PLXNA2: variants seen among roughly 807,000 people sequenced by gnomAD.
PLXNA2 encodes plexin A2, also known as plexin-A2.
A neutral mutation model predicts 193.5 loss-of-function variants in PLXNA2; 91 were observed. The observed-to-expected ratio is 0.47, with a 90% CI of 0.40 to 0.56. The LOEUF (loss-of-function observed/expected upper bound fraction) is 0.56. Ranked by LOEUF, PLXNA2 falls within the 20% of genes least tolerant of loss-of-function variation. The pLI is 0.00. For synonymous variants in PLXNA2, 997 were observed against 1,027.3 expected, an observed-to-expected ratio of 0.97 and a Z score of 0.56; for missense variants, 1,995 against 2,503.2, an observed-to-expected ratio of 0.80 and a Z score of 4.33.
At chr1:208,040,992 A>G (rs1664850368) in intron 22 of PLXNA2, among the ~76,000 whole-genome samples, 1 of 152,204 alleles carries the variant, frequency 6.6e-6, no homozygotes, top group South Asian at 2.1e-4. Flanking sequence ...GTTGCAGTAA[A>G]TCCCAGGCAT....
At chr1:208,185,596 T>G (rs1300409217) in intron 3 of PLXNA2, among the ~76,000 whole-genome samples, 1 of 147,068 alleles carries the variant, frequency 6.8e-6, no homozygotes, top group Non-Finnish European at 1.5e-5. Context: ...TAACCCAACC[T>G]CTTCAGCCCT....
intron 1 of PLXNA2, among the ~76,000 whole-genome samples, chr1:208,223,651 G>T (rs1473755629): frequency 6.6e-6 from 1 of 152,212 alleles, no homozygotes; most frequent in Non-Finnish European, 1.5e-5. Flanking sequence ...TCACACTCAG[G>T]ACCGTCACCT....
chr1:208,092,652 G>A (rs1194539064), intron 9 of PLXNA2, 134 bp downstream of exon 9: 2 of 568,632 alleles, frequency 3.5e-6, no homozygotes, highest in African/African-American at 1.9e-5. Flanking sequence ...TTTCTAGCAT[G>A]CAGAATTTCT....
chr1:208,138,799 G>A (rs574419143), intron 4 of PLXNA2, among the ~76,000 whole-genome samples: 2 of 152,362 alleles, frequency 1.3e-5, no homozygotes, highest in East Asian at 3.9e-4. Flanking sequence ...GGCCAAGGCA[G>A]GTGGATCACT....
At position 208,142,433 on chromosome 1, in the gene PLXNA2, C is replaced by A; in HGVS notation, c.1402G>T (p.Val468Phe). Reference sequence around the variant, plus strand: ...AGCACAGAGACCATCTCGTACTGGACCCCACCATGGGGGGGACCGTCGGCC... The same window carrying A: ...AGCACAGAGACCATCTCGTACTGGAACCCACCATGGGGGGGACCGTCGGCC... ...IRADGPPHGG[V>F]QYEMVSVLKD... The change falls in exon 4 of 32, where the codon GTC becomes TTC. Residue 468 changes from valine (V) to phenylalanine (F), a missense_variant. Physicochemically the swap from Val to Phe is conservative, Grantham distance 50 (BLOSUM62 -1). This residue lies in a region of PLXNA2 where 702 missense variants were observed against 812.9 expected (regional missense o/e 0.86). Coordinates refer to ENST00000367033, the MANE Select transcript of PLXNA2 (RefSeq NM_025179.4). 1 of 1,612,550 alleles carries A rather than the reference C, an allele frequency of 6.2e-7. No homozygotes were observed. Among genetic ancestry groups the A allele is most frequent in the East Asian group, 2.2e-5 (1 of 44,862 alleles).
At chr1:208,084,313 C>A (rs1156546820) in intron 10 of PLXNA2, 67 bp downstream of exon 10, 1 of 1,541,518 alleles carries the variant, frequency 6.5e-7, no homozygotes, top group Non-Finnish European at 8.9e-7. Context: ...GCTGGCCATA[C>A]TGAGGCCCCA....
At chr1:208,210,545 G>A (rs965302338) in intron 2 of PLXNA2, 83 bp from the exon 3 acceptor site, 5 of 1,239,958 alleles carry the variant, frequency 4.0e-6, no homozygotes, top group Non-Finnish European at 4.5e-6. Flanking sequence ...ACAACTTCCA[G>A]CCTTAGGACA....
chr1:208,212,407 C>T (rs889393537), intron 2 of PLXNA2, among the ~76,000 whole-genome samples: 6 of 152,140 alleles, frequency 3.9e-5, no homozygotes, highest in East Asian at 3.8e-4. Context: ...TGGTGCTGCA[C>T]TTGTGTGTGT....
At chr1:208,214,124 G>GT (rs1338592727) in intron 2 of PLXNA2, among the ~76,000 whole-genome samples, 1 of 146,166 alleles carries the variant, frequency 6.8e-6, no homozygotes, top group African/African-American at 2.5e-5. Context: ...AAATTTTGGC[G>GT]TTAAAAAAAA....
intron 21 of PLXNA2, 38 bp downstream of exon 21, chr1:208,043,023 T>G (rs754990452): frequency 3.1e-6 from 5 of 1,609,058 alleles, no homozygotes; most frequent in Non-Finnish European, 4.2e-6. Flanking sequence ...TGGGCCTGCA[T>G]CCCTGCTGGG....
chr1:208,239,603 A>G (rs181996169), intron 1 of PLXNA2, among the ~76,000 whole-genome samples: 14 of 152,276 alleles, frequency 9.2e-5, no homozygotes, highest in Admixed American at 9.1e-4. Context: ...AACGGCCAAA[A>G]CAGCCACCCA....
intron 3 of PLXNA2, among the ~76,000 whole-genome samples, chr1:208,157,444 T>G (rs925446500): frequency 6.6e-6 from 1 of 152,244 alleles, no homozygotes; most frequent in African/African-American, 2.4e-5. Flanking sequence ...CTGTACCTGT[T>G]GTACATTGCC....
At chr1:208,214,126 T>TA (rs201843033) in intron 2 of PLXNA2, among the ~76,000 whole-genome samples, 16,731 of 144,532 alleles carry the variant, frequency 0.12, 1,035 homozygotes, top group South Asian at 0.18. Context: ...ATTTTGGCGT[T>TA]AAAAAAAAAA....
At chr1:208,225,313 G>T (rs751535718) in intron 1 of PLXNA2, among the ~76,000 whole-genome samples, 7 of 152,032 alleles carry the variant, frequency 4.6e-5, no homozygotes, top group African/African-American at 1.2e-4. Flanking sequence ...TTTTGGTTTG[G>T]TTTTTTTGAG....
intron 3 of PLXNA2, 153 bp downstream of exon 3, chr1:208,210,127 A>C (rs1241569676): frequency 1.3e-6 from 1 of 762,224 alleles, no homozygotes; most frequent in East Asian, 2.7e-5. Flanking sequence ...CTAAGTCACA[A>C]AATTAACCCC....
At chr1:208,166,935 GTGTTGCTGCAAC>G (rs1422290093) in intron 3 of PLXNA2, among the ~76,000 whole-genome samples, 1 of 152,152 alleles carries the variant, frequency 6.6e-6, no homozygotes, top group Non-Finnish European at 1.5e-5. Context: ...GGAATTCTGT[GTGTTGCTGCAAC>G]TCCGCACCTG....
chr1:208,047,433 T>C (rs959473500), intron 17 of PLXNA2, among the ~76,000 whole-genome samples: 1 of 152,250 alleles, frequency 6.6e-6, no homozygotes, highest in African/African-American at 2.4e-5. Flanking sequence ...CTCCTTAGCA[T>C]GAGCTGTGCC....
At chr1:208,071,839 T>C (rs1665988478) in intron 12 of PLXNA2, among the ~76,000 whole-genome samples, 1 of 152,208 alleles carries the variant, frequency 6.6e-6, no homozygotes, top group African/African-American at 2.4e-5. Context: ...ATTTATTTAT[T>C]TGTGGGGGAC....
rs999265466 is a variant in PLXNA2 at position 208,211,160 on chromosome 1, A to G, written c.1189-698T>C. 1.8e-4 allele frequency among the ~76,000 whole-genome samples: 27 copies of G among 152,262 alleles called. 1 individual carries two copies. The highest frequency in any genetic ancestry group is 6.2e-4 in the South Asian group (3 of 4,832). The stretch of plus-strand genomic sequence containing the variant: ...TAATACCTGCCCACCTTTCTGATAG[A>G]ATTGTGAAGGAACAAATGAAATAAT... On this transcript the variant is annotated intron_variant, in intron 2 of 31. Coordinates refer to ENST00000367033, the MANE Select transcript of PLXNA2 (RefSeq NM_025179.4).
Sources: allele counts gnomAD v4.1 joint callset (sites outside exome capture counted in the v4.1 genomes callset), GRCh38; gene constraint gnomAD v4.1.1; regional missense constraint gnomAD v4.1.1; transcripts MANE v1.5; gene names NCBI Gene and HGNC (gene_info 2026-07-23, HGNC 2026-07-21).